FIG4: variants seen among roughly 807,000 people sequenced by gnomAD.
FIG4 encodes the protein FIG4 phosphoinositide 5-phosphatase.
FIG4 carries 112 observed loss-of-function variants against 118.6 expected under a neutral mutation model. The ratio of observed to expected loss-of-function variants is 0.94; its 90% confidence interval spans 0.81 to 1.11. The LOEUF (loss-of-function observed/expected upper bound fraction) is 1.11. Ranked by LOEUF, FIG4 falls within the 50% of genes least tolerant of loss-of-function variation. FIG4 has a pLI of 0.00. For synonymous variants in FIG4, 369 were observed against 381.2 expected, an observed-to-expected ratio of 0.97 and a Z score of 0.37; for missense variants, 969 against 1,111.7, an observed-to-expected ratio of 0.87 and a Z score of 1.83.
intron 10 of FIG4, among the ~76,000 whole-genome samples, chr6:109,744,798 A>G (rs879712989): frequency 1.0e-5 from 1 of 100,382 alleles, no homozygotes; most frequent in African/African-American, 3.6e-5. Context: ...CTATCCCCCC[A>G]CCCCCCAACA....
chr6:109,763,392 T>C (rs947155321), intron 12 of FIG4, among the ~76,000 whole-genome samples: 1 of 116,078 alleles, frequency 8.6e-6, no homozygotes, highest in African/African-American at 4.4e-5. Flanking sequence ...AATATTAACA[T>C]CATCTATAGT....
At chr6:109,701,905 A>C (rs189144764) in intron 1 of FIG4, among the ~76,000 whole-genome samples, 1 of 152,294 alleles carries the variant, frequency 6.6e-6, no homozygotes, top group Non-Finnish European at 1.5e-5. Flanking sequence ...TGACATTCAC[A>C]TTTGTTTCTA....
intron 22 of FIG4, among the ~76,000 whole-genome samples, chr6:109,810,441 G>A (rs1227794963): frequency 1.3e-5 from 2 of 152,156 alleles, no homozygotes; most frequent in Non-Finnish European, 2.9e-5. Context: ...TGGTGCATGG[G>A]CTAGAGCATT....
At chr6:109,694,914 A>G (rs565642427) in intron 1 of FIG4, among the ~76,000 whole-genome samples, 19 of 152,218 alleles carry the variant, frequency 1.2e-4, no homozygotes, top group Non-Finnish European at 2.1e-4. Context: ...TAAAATGGCT[A>G]TTTTCAAAAG....
At chr6:109,810,841 T>C (rs1329021388) in intron 22 of FIG4, among the ~76,000 whole-genome samples, 1 of 152,190 alleles carries the variant, frequency 6.6e-6, no homozygotes, top group Non-Finnish European at 1.5e-5. Flanking sequence ...GGAAAGATGC[T>C]TGTGGGCCTA....
chr6:109,810,862 G>A (rs1778700353), intron 22 of FIG4, among the ~76,000 whole-genome samples: 1 of 152,166 alleles, frequency 6.6e-6, no homozygotes, highest in South Asian at 2.1e-4. Flanking sequence ...GCTGTCTATA[G>A]TTGTCCCAGT....
intron 10 of FIG4, among the ~76,000 whole-genome samples, chr6:109,745,327 C>T (rs963517940): frequency 3.9e-5 from 6 of 152,068 alleles, no homozygotes; most frequent in African/African-American, 9.7e-5. Context: ...TTTAAATGAT[C>T]GCCGTTCTAA....
At chr6:109,819,071 TC>T (rs1389869713) in intron 22 of FIG4, among the ~76,000 whole-genome samples, 1 of 152,178 alleles carries the variant, frequency 6.6e-6, no homozygotes, top group African/African-American at 2.4e-5. Flanking sequence ...TGCATCCCAT[TC>T]AAAGTCCAGG....
chr6:109,715,093 G>A lies in FIG4; in HGVS notation c.82G>A (p.Gly28Arg). Residue 28 changes from glycine to arginine, a missense_variant, in exon 2 of 23, where the codon GGG becomes AGG. Gly to Arg is a moderately radical substitution (Grantham distance 125). Coordinates refer to ENST00000230124, the MANE Select transcript of FIG4 (RefSeq NM_014845.6). ...YETRARYFLV[G>R]SNNAETKYRV... The stretch of plus-strand genomic sequence containing the variant: ...TTATTTATAGAGATACTTTCTAGTT[G>A]GGAGCAATAATGCAGAAACGAAATA... The A allele has an allele frequency of 6.3e-7, 1 of 1,585,198 alleles. No homozygotes were observed. The highest frequency in any genetic ancestry group is 8.7e-7 in the Non-Finnish European group (1 of 1,154,270).
intron 12 of FIG4, among the ~76,000 whole-genome samples, chr6:109,762,814 CA>C (rs1228143737): frequency 1.3e-5 from 2 of 152,096 alleles, no homozygotes; most frequent in Non-Finnish European, 2.9e-5. Flanking sequence ...GTACCCATGA[CA>C]GGGGTCCCCC....
At chr6:109,759,704 C>T (rs1777041263) in intron 10 of FIG4, among the ~76,000 whole-genome samples, 1 of 152,328 alleles carries the variant, frequency 6.6e-6, no homozygotes, top group Admixed American at 6.5e-5. Context: ...TCCATGAATG[C>T]CTCTCCACCT....
At chr6:109,815,879 T>C (rs1778849752) in intron 22 of FIG4, among the ~76,000 whole-genome samples, 1 of 151,938 alleles carries the variant, frequency 6.6e-6, no homozygotes, top group Non-Finnish European at 1.5e-5. Flanking sequence ...GGGCACTCAG[T>C]TTTCATTTTT....
rs1230997397 is a variant in FIG4, at chr6:109,785,041, T to A, written c.1948+13T>A. The A allele has an allele frequency of 6.7e-7, 1 of 1,500,896 alleles. No individual in the cohort carries two copies. 93.0% of individuals were successfully genotyped at this position (1,500,896 alleles called of 1,614,324 possible). ...CCCTATGATGAAGGTAGGTAACTGT[T>A]TGTGTTTTAGTTTTTACACTAACAT... is the stretch of plus-strand genomic sequence containing the variant. On this transcript the variant is annotated intron_variant, in intron 17 of 22. Transcript: ENST00000230124.
chr6:109,780,281 G>T (rs542555846), intron 16 of FIG4, among the ~76,000 whole-genome samples: 112 of 152,216 alleles, frequency 7.4e-4, no homozygotes, highest in Non-Finnish European at 1.3e-3. Context: ...GCGTGATCTC[G>T]GCTCACTGCA....
At chr6:109,725,473 T>C (rs1583652954) in intron 3 of FIG4, among the ~76,000 whole-genome samples, 1 of 152,230 alleles carries the variant, frequency 6.6e-6, no homozygotes, top group Non-Finnish European at 1.5e-5. Context: ...ATGGTGTATA[T>C]GTGCCACGTT....
chr6:109,701,350 A>G (rs1456896330), intron 1 of FIG4, among the ~76,000 whole-genome samples: 1 of 152,218 alleles, frequency 6.6e-6, no homozygotes, highest in Non-Finnish European at 1.5e-5. Context: ...CAGTGCAACT[A>G]GGAGTTTCCA....
chr6:109,798,001 C>A (rs528456595), intron 22 of FIG4, among the ~76,000 whole-genome samples: 2 of 151,304 alleles, frequency 1.3e-5, no homozygotes, highest in South Asian at 4.2e-4. Flanking sequence ...AGTAAATGTT[C>A]TCTTCCGTTT....
chr6:109,691,542 A>G (rs1181099616), intron 1 of FIG4, 41 bp downstream of exon 1: 2 of 1,508,944 alleles, frequency 1.3e-6, no homozygotes, highest in Non-Finnish European at 1.8e-6. Context: ...GGGAGGATGG[A>G]TGTCTGCCGG....
chr6:109,776,862 T>C, intron 15 of FIG4, 60 bp from the exon 16 acceptor site: 2 of 1,350,576 alleles, frequency 1.5e-6, no homozygotes, highest in Admixed American at 3.4e-5. Flanking sequence ...AAGAAAATAT[T>C]CTCTTGAGTT....
Sources: gnomAD v4.1 joint callset for allele counts (sites outside exome capture counted in the v4.1 genomes callset) on GRCh38, gnomAD v4.1.1 for gene constraint, MANE v1.5 for transcripts, NCBI Gene and HGNC (gene_info 2026-07-23, HGNC 2026-07-21) for gene names.